Variants in KIAA1958 observed in about 807,000 individuals in gnomAD.
KIAA1958 encodes uncharacterized protein KIAA1958.
In KIAA1958, 14 loss-of-function variants were observed where a neutral mutation model predicts 47.2. The observed-to-expected ratio is 0.30, with a 90% CI of 0.20 to 0.46. KIAA1958 has a LOEUF of 0.46. Ranked by LOEUF, KIAA1958 falls within the 20% of genes least tolerant of loss-of-function variation. The pLI is 1.00. For missense variants in KIAA1958, 803 were observed against 909.2 expected (o/e 0.88, Z 1.50); for synonymous variants, 354 against 353.3 (o/e 1.00, Z -0.02).
chr9:112,576,446 A>G (rs546083076), intron 2 of KIAA1958, among the ~76,000 whole-genome samples: 5 of 152,218 alleles, frequency 3.3e-5, no homozygotes, highest in Non-Finnish European at 5.9e-5. Flanking sequence ...AACTATCGCT[A>G]TTATCTAATT....
At chr9:112,502,780 A>G (rs904907368) in intron 1 of KIAA1958, among the ~76,000 whole-genome samples, 16 of 152,344 alleles carry the variant, frequency 1.1e-4, no homozygotes, top group South Asian at 2.1e-4. Context: ...TGCAAAGCAG[A>G]AAATATTTAC....
At chr9:112,510,658 A>T (rs1436060588) in intron 1 of KIAA1958, among the ~76,000 whole-genome samples, 1 of 152,064 alleles carries the variant, frequency 6.6e-6, no homozygotes, top group Non-Finnish European at 1.5e-5. Flanking sequence ...CCTCTCTTCT[A>T]CTCAAATTCT....
intron 2 of KIAA1958, among the ~76,000 whole-genome samples, chr9:112,583,269 T>A (rs1380165546): frequency 6.6e-6 from 1 of 152,152 alleles, no homozygotes; most frequent in African/African-American, 2.4e-5. Flanking sequence ...AGCACAGAGA[T>A]GCAAATTAAA....
At chr9:112,523,302 T>G (rs1209577971) in intron 1 of KIAA1958, among the ~76,000 whole-genome samples, 2 of 152,042 alleles carry the variant, frequency 1.3e-5, no homozygotes, top group Non-Finnish European at 2.9e-5. Flanking sequence ...AATACAAAAA[T>G]TAGCCGGGCG....
chr9:112,644,642 T>A (rs1455508062), intron 2 of KIAA1958, among the ~76,000 whole-genome samples: 1 of 152,108 alleles, frequency 6.6e-6, no homozygotes, highest in Non-Finnish European at 1.5e-5. Flanking sequence ...CCTGTCTTTA[T>A]CTGAAGTAAT....
chr9:112,637,897 C>CCAA (rs1836831621), intron 2 of KIAA1958, among the ~76,000 whole-genome samples: 2 of 151,888 alleles, frequency 1.3e-5, no homozygotes, highest in South Asian at 2.1e-4. Context: ...ACCTGTAATC[C>CCAA]CAACACTTTG....
intron 2 of KIAA1958, among the ~76,000 whole-genome samples, chr9:112,643,383 G>A (rs572707222): frequency 3.9e-5 from 6 of 152,260 alleles, no homozygotes; most frequent in African/African-American, 1.4e-4. Context: ...TTGAAAACAG[G>A]AATAACAAAG....
chr9:112,501,369 G>T (rs1834135111), intron 1 of KIAA1958, among the ~76,000 whole-genome samples: 1 of 152,008 alleles, frequency 6.6e-6, no homozygotes, highest in South Asian at 2.1e-4. Context: ...CTTGAGCCCA[G>T]GAGTTCAAGG....
chr9:112,658,698 G>A (rs1007818406), intron 3 of KIAA1958, among the ~76,000 whole-genome samples: 10 of 152,080 alleles, frequency 6.6e-5, no homozygotes, highest in African/African-American at 9.7e-5. Flanking sequence ...GGTGGCTGAC[G>A]CCTGTAATCC....
rs138422704 is a variant in KIAA1958, at chr9:112,543,567, CT to C, written c.-24-30468del. Reference sequence around the variant, plus strand: ...ACTTTACCATTGAGCTTCTGAGCTTCTTTTTTTTTTTTTTTTTTTTTTGAGA... The same window carrying C: ...ACTTTACCATTGAGCTTCTGAGCTTCTTTTTTTTTTTTTTTTTTTTTGAGA... On this transcript the variant is annotated intron_variant, in intron 1 of 3. Transcript: ENST00000337530. Among the ~76,000 whole-genome samples, 80 of 108,176 alleles carry C rather than the reference CT, an allele frequency of 7.4e-4. No homozygotes were observed. The East Asian group carries it at 0.017, about 23-fold the overall frequency. The allele number at this position is 108,176 out of a possible 152,430, so 71.0% of individuals were successfully genotyped here. A position where few individuals can be genotyped will look rare whatever the true frequency, so the allele number is the denominator to read the frequency against.
chr9:112,547,142 C>A (rs1460886039), intron 1 of KIAA1958, among the ~76,000 whole-genome samples: 1 of 151,686 alleles, frequency 6.6e-6, no homozygotes, highest in African/African-American at 2.4e-5. Context: ...TTTGGGAGGC[C>A]GAGGCGGGTA....
At chr9:112,607,327 TG>T (rs1836252216) in intron 2 of KIAA1958, among the ~76,000 whole-genome samples, 1 of 151,162 alleles carries the variant, frequency 6.6e-6, no homozygotes, top group Non-Finnish European at 1.5e-5. Context: ...AGCAAAACTC[TG>T]TCTCAAAAAA....
intron 1 of KIAA1958, among the ~76,000 whole-genome samples, chr9:112,554,661 C>T (rs1835211392): frequency 6.6e-6 from 1 of 152,098 alleles, no homozygotes; most frequent in South Asian, 2.1e-4. Context: ...CACAGATTCC[C>T]AAACCCAACC....
At chr9:112,525,658 A>T (rs923426213) in intron 1 of KIAA1958, among the ~76,000 whole-genome samples, 1 of 152,118 alleles carries the variant, frequency 6.6e-6, no homozygotes, top group African/African-American at 2.4e-5. Flanking sequence ...AGGGAAATCT[A>T]TTACTTAGTT....
chr9:112,555,513 A>G (rs1448373796), intron 1 of KIAA1958, among the ~76,000 whole-genome samples: 1 of 152,216 alleles, frequency 6.6e-6, no homozygotes, highest in African/African-American at 2.4e-5. Context: ...TTTATAAAGA[A>G]CAGAAATTTA....
chr9:112,575,468 G>A (rs1217165144), intron 2 of KIAA1958, among the ~76,000 whole-genome samples: 1 of 151,734 alleles, frequency 6.6e-6, no homozygotes, highest in Non-Finnish European at 1.5e-5. Flanking sequence ...GGGCTGAGAG[G>A]ACAGCTGTAA....
In KIAA1958 at chr9:112,575,224, A is replaced by C. The variant is rs748981595; in HGVS notation, c.1144A>C (p.Thr382Pro). Reference sequence around the variant, plus strand: ...GCCCCCAGTCGCTCCAGCCATAACCACTGAGGCCACAGCACAGTGCATACC... The same window carrying C: ...GCCCCCAGTCGCTCCAGCCATAACCCCTGAGGCCACAGCACAGTGCATACC... ...QQPPVAPAIT[T>P]EATAQCIPAY... is the part of the protein sequence containing the mutation. Residue 382 changes from threonine (T) to proline (P), a missense_variant, in exon 2 of 4, where the codon ACT becomes CCT. Thr to Pro is a conservative substitution (Grantham distance 38). Around this residue, in one of 2 missense-constraint regions of KIAA1958, gnomAD observed 761 missense variants for 829.3 expected, o/e 0.92. Transcript: ENST00000337530. 3 of 1,568,766 alleles carry C rather than the reference A, an allele frequency of 1.9e-6. No individual in the cohort carries two copies. The highest frequency in any genetic ancestry group is 1.7e-6 in the Non-Finnish European group (2 of 1,164,778).
At position 112,661,451 on chromosome 9, in the gene KIAA1958, A is replaced by T. The variant is rs1004764930; in HGVS notation, c.*1382A>T. 6.6e-6 allele frequency: 1 copy of T among 152,212 alleles called. No individual in the cohort carries two copies. The highest frequency in any genetic ancestry group is 1.5e-5 in the Non-Finnish European group (1 of 68,036). 9.4% of individuals were successfully genotyped at this position (152,212 alleles called of 1,614,324 possible). ...GGAAAATCTTGTGTAACTTTATTCC[A>T]TTATGCTCCTAATATGCTTTCTAAT... On this transcript the variant is annotated 3_prime_UTR_variant, in exon 4 of 4. Coordinates refer to ENST00000337530, the MANE Select transcript of KIAA1958 (RefSeq NM_133465.4).
chr9:112,644,481 A>G (rs1372469347), intron 2 of KIAA1958, among the ~76,000 whole-genome samples: 1 of 152,194 alleles, frequency 6.6e-6, no homozygotes, highest in Non-Finnish European at 1.5e-5. Flanking sequence ...GAGGGTGAGA[A>G]CTATTAGATG....
Sources: allele counts gnomAD v4.1 joint callset (sites outside exome capture counted in the v4.1 genomes callset), GRCh38; gene constraint gnomAD v4.1.1; regional missense constraint gnomAD v4.1.1; transcripts MANE v1.5; gene names NCBI Gene and HGNC (gene_info 2026-07-23, HGNC 2026-07-21).